The following ARHGAP26 variants were observed in gnomAD, a reference collection of about 807,000 sequenced individuals.
The protein encoded by ARHGAP26 is rho GTPase-activating protein 26.
ARHGAP26 carries 38 observed loss-of-function variants against 104.8 expected under a neutral mutation model. The observed-to-expected ratio is 0.36, with a 90% CI of 0.28 to 0.48. ARHGAP26 has a LOEUF of 0.48. Among genes scored for constraint, ARHGAP26 ranks in the 20% least tolerant of loss-of-function variants. ARHGAP26 has a pLI of 0.99. For missense variants in ARHGAP26, 704 were observed against 947.9 expected (o/e 0.74, Z 3.38); for synonymous variants, 341 against 340.0 (o/e 1.00, Z -0.03).
At chr5:142,972,866 C>CTT (rs140809131) in intron 11 of ARHGAP26, among the ~76,000 whole-genome samples, 1 of 147,162 alleles carries the variant, frequency 6.8e-6, no homozygotes, top group African/African-American at 2.5e-5. Flanking sequence ...GACCTTTATT[C>CTT]TTTTTTTTTT....
At chr5:143,089,979 C>G (rs1013686034) in intron 17 of ARHGAP26, among the ~76,000 whole-genome samples, 2 of 152,188 alleles carry the variant, frequency 1.3e-5, no homozygotes, top group African/African-American at 4.8e-5. Flanking sequence ...AGTAAAGGTC[C>G]ACCACAATAC....
chr5:143,147,014 G>A (rs894501115), intron 19 of ARHGAP26, among the ~76,000 whole-genome samples: 4 of 152,146 alleles, frequency 2.6e-5, no homozygotes, highest in Non-Finnish European at 5.9e-5. Flanking sequence ...CTGTTATGAC[G>A]AGGAAAGGGG....
In ARHGAP26 at chr5:143,226,240, G is replaced by C. The variant is rs1599597277; in HGVS notation, c.*3794G>C. On this transcript the variant is annotated 3_prime_UTR_variant, in exon 23 of 23. Coordinates refer to ENST00000645722, the MANE Select transcript of ARHGAP26 (RefSeq NM_001135608.3). ...CTCACGCCTATAATCCCAGCACTTT[G>C]GGAGGCCGAGGCGGGCGGATCACGA... 5.6e-6 allele frequency: 1 copy of C among 178,340 alleles called. No individual in the cohort carries two copies. Among genetic ancestry groups the C allele is most frequent in the Non-Finnish European group, 1.2e-5 (1 of 83,146 alleles). 11.0% of individuals were successfully genotyped at this position (178,340 alleles called of 1,614,324 possible). A position where few individuals can be genotyped will look rare whatever the true frequency, so the allele number is the denominator to read the frequency against.
intron 1 of ARHGAP26, among the ~76,000 whole-genome samples, chr5:142,791,908 G>C (rs1597636769): frequency 7.7e-6 from 1 of 129,306 alleles, no homozygotes; most frequent in Non-Finnish European, 1.5e-5. Flanking sequence ...AGGTTGCAGT[G>C]AGCCGAGATC....
chr5:143,167,195 G>A (rs1802080719), intron 20 of ARHGAP26, among the ~76,000 whole-genome samples: 1 of 151,662 alleles, frequency 6.6e-6, no homozygotes, highest in African/African-American at 2.4e-5. Context: ...CACCTGGCAC[G>A]GTGGCCCATG....
chr5:142,907,706 C>A lies in ARHGAP26; in HGVS notation c.835C>A (p.His279Asn). The A allele has an allele frequency of 6.3e-7, 1 of 1,595,832 alleles. No individual in the cohort carries two copies. Among genetic ancestry groups the A allele is most frequent in the Non-Finnish European group, 8.6e-7 (1 of 1,167,672 alleles). Residue 279 changes from histidine to asparagine, a missense_variant and splice_region_variant, in exon 9 of 23, where the codon CAC (histidine) becomes AAC (asparagine). Transcript: ENST00000645722. ...EGYLYVQEKRHFGTSWVKHYC... is the reference protein window; with the variant it reads ...EGYLYVQEKRNFGTSWVKHYC... ...TTATGGGAAATATTACCTTTCAGGT[C>A]ACTTTGGAACTTCTTGGGTGAAGCA... is the stretch of plus-strand genomic sequence containing the variant.
At chr5:142,868,786 G>T (rs914473664) in intron 1 of ARHGAP26, 1 of 152,338 alleles carries the variant, frequency 6.6e-6, no homozygotes, top group Non-Finnish European at 1.5e-5. Flanking sequence ...TAGGAATGGG[G>T]GTGTGGGCTA....
In ARHGAP26 at chr5:142,890,157, T is replaced by C. The variant is rs1274431129; in HGVS notation, c.487-4081T>C. 4.7e-5 allele frequency among the ~76,000 whole-genome samples: 2 copies of C among 42,726 alleles called. 1 individual carries two copies. Among genetic ancestry groups the C allele is most frequent in the African/African-American group, 2.3e-4 (2 of 8,530 alleles). 28.0% of individuals were successfully genotyped at this position (42,726 alleles called of 152,430 possible). A position where few individuals can be genotyped will look rare whatever the true frequency, so the allele number is the denominator to read the frequency against. ...GTCTTAAAAAAAAAAAAAAAATATA[T>C]ATATATATATATATATATATATATA... On this transcript the variant is annotated intron_variant, in intron 5 of 22. Coordinates refer to ENST00000645722, the MANE Select transcript of ARHGAP26 (RefSeq NM_001135608.3).
intron 17 of ARHGAP26, among the ~76,000 whole-genome samples, chr5:143,080,301 G>A (rs918751808): frequency 6.6e-6 from 1 of 152,108 alleles, no homozygotes; most frequent in Non-Finnish European, 1.5e-5. Context: ...TACCTACTCC[G>A]GATTTACGAC....
At chr5:143,014,265 A>T (rs763838638) in intron 12 of ARHGAP26, 149 bp downstream of exon 12, 72 of 801,248 alleles carry the variant, frequency 9.0e-5, no homozygotes, top group Non-Finnish European at 1.4e-4. Flanking sequence ...CCTCCACCCC[A>T]ACTTTCCGCC....
intron 20 of ARHGAP26, 48 bp downstream of exon 20, chr5:143,147,429 A>G (rs893326607): frequency 1.3e-6 from 2 of 1,581,342 alleles, no homozygotes; most frequent in East Asian, 2.2e-5. Flanking sequence ...TTGGTCAGCC[A>G]TTCCACCTAG....
At chr5:143,157,452 A>G (rs1800629885) in intron 20 of ARHGAP26, among the ~76,000 whole-genome samples, 1 of 152,188 alleles carries the variant, frequency 6.6e-6, no homozygotes. Context: ...TGCTGGGACT[A>G]CAGGCGTGAG....
intron 18 of ARHGAP26, among the ~76,000 whole-genome samples, chr5:143,126,235 C>T (rs1796713787): frequency 6.6e-6 from 1 of 152,154 alleles, no homozygotes; most frequent in South Asian, 2.1e-4. Context: ...GGAGGGACAG[C>T]CACTCAGAGG....
chr5:143,095,937 G>A (rs568670214), intron 17 of ARHGAP26, among the ~76,000 whole-genome samples: 5 of 152,224 alleles, frequency 3.3e-5, no homozygotes, highest in South Asian at 4.1e-4. Context: ...GCATATAGTC[G>A]GAAAAGGAAG....
At chr5:142,948,995 C>T (rs1767603535) in intron 11 of ARHGAP26, among the ~76,000 whole-genome samples, 1 of 151,674 alleles carries the variant, frequency 6.6e-6, no homozygotes, top group African/African-American at 2.4e-5. Context: ...ATCCTAGCTA[C>T]TTGGGAGACT....
chr5:143,015,227 A>G (rs1429199945), intron 12 of ARHGAP26, among the ~76,000 whole-genome samples: 1 of 152,190 alleles, frequency 6.6e-6, no homozygotes, highest in Non-Finnish European at 1.5e-5. Context: ...ATTCCACCCT[A>G]CCCCACCCTT....
In ARHGAP26 at chr5:142,874,853, A is replaced by G. The variant is rs531175789; in HGVS notation, c.251-257A>G. 939 of 442,472 alleles carry G rather than the reference A, an allele frequency of 2.1e-3. 6 individuals are homozygous for G. Among genetic ancestry groups the G allele is most frequent in the Middle Eastern group, 6.8e-3 (11 of 1,616 alleles). 27.4% of individuals were successfully genotyped at this position (442,472 alleles called of 1,614,324 possible). Reference sequence around the variant, plus strand: ...CCTGCCAGCATCTCACCAGTCCTGGATACTCTCAGGAACAGGCAGATCTTT... The same window carrying G: ...CCTGCCAGCATCTCACCAGTCCTGGGTACTCTCAGGAACAGGCAGATCTTT... On this transcript the variant is annotated intron_variant, in intron 2 of 22. Transcript: ENST00000645722.
chr5:143,143,999 C>T (rs79860414), intron 19 of ARHGAP26, among the ~76,000 whole-genome samples: 517 of 152,300 alleles, frequency 3.4e-3, no homozygotes, highest in Non-Finnish European at 6.5e-3. Flanking sequence ...ATGTTTGAGG[C>T]GGGCAAGCAT....
At chr5:142,809,724 A>G (rs941364764) in intron 1 of ARHGAP26, among the ~76,000 whole-genome samples, 59 of 152,322 alleles carry the variant, frequency 3.9e-4, no homozygotes, top group African/African-American at 1.4e-3. Context: ...TGCTGGAGCC[A>G]TCCACTCCTT....
Sources: allele counts gnomAD v4.1 joint callset (sites outside exome capture counted in the v4.1 genomes callset), GRCh38; gene constraint gnomAD v4.1.1; transcripts MANE v1.5; gene names NCBI Gene and HGNC (gene_info 2026-07-23, HGNC 2026-07-21).